KCNIP1: variants seen among roughly 807,000 people sequenced by gnomAD.
The protein encoded by KCNIP1 is potassium voltage-gated channel interacting protein 1.
A neutral mutation model predicts 33.0 loss-of-function variants in KCNIP1; 18 were observed. That is an observed-to-expected ratio of 0.55 (90% CI 0.38 to 0.81). KCNIP1 has a LOEUF of 0.81. Among genes scored for constraint, KCNIP1 ranks in the 30% least tolerant of loss-of-function variants. The pLI is 0.00. For synonymous variants in KCNIP1, 93 were observed against 98.3 expected, an observed-to-expected ratio of 0.95 and a Z score of 0.32; for missense variants, 238 against 271.6, an observed-to-expected ratio of 0.88 and a Z score of 0.87.
chr5:170,725,871 A>C (rs1763989183), intron 5 of KCNIP1, among the ~76,000 whole-genome samples: 1 of 152,248 alleles, frequency 6.6e-6, no homozygotes, highest in Admixed American at 6.5e-5. Context: ...TCAATGCAAC[A>C]GATGCCAAAA....
intron 1 of KCNIP1, among the ~76,000 whole-genome samples, chr5:170,466,308 C>G (rs1397812713): frequency 6.6e-6 from 1 of 152,112 alleles, no homozygotes; most frequent in African/African-American, 2.4e-5. Flanking sequence ...AGCAGGAGTT[C>G]AAGCTGATAT....
intron 1 of KCNIP1, among the ~76,000 whole-genome samples, chr5:170,574,506 C>G (rs1757527436): frequency 6.6e-6 from 1 of 152,220 alleles, no homozygotes; most frequent in Non-Finnish European, 1.5e-5. Flanking sequence ...GCACCTCCTC[C>G]TACCACACAG....
chr5:170,388,931 C>T (rs893452989), intron 1 of KCNIP1, among the ~76,000 whole-genome samples: 2 of 152,218 alleles, frequency 1.3e-5, no homozygotes, highest in Non-Finnish European at 2.9e-5. Context: ...GTCTGGACCC[C>T]TCTTGATGAA....
chr5:170,700,977 G>A (rs1358710332), intron 1 of KCNIP1, among the ~76,000 whole-genome samples: 1 of 152,082 alleles, frequency 6.6e-6, no homozygotes, highest in Non-Finnish European at 1.5e-5. Context: ...CAAAACACTG[G>A]TTGCAGTAGA....
chr5:170,523,639 T>C (rs562758068), intron 1 of KCNIP1, among the ~76,000 whole-genome samples: 1 of 152,058 alleles, frequency 6.6e-6, no homozygotes, highest in South Asian at 2.1e-4. Flanking sequence ...ACCTAATCCC[T>C]CTTCTTTACT....
intron 1 of KCNIP1, among the ~76,000 whole-genome samples, chr5:170,449,332 T>C (rs1388540880): frequency 2.6e-5 from 4 of 152,230 alleles, no homozygotes; most frequent in Non-Finnish European, 5.9e-5. Context: ...TCCTGAAAAG[T>C]AGCCCTCAAC....
At chr5:170,553,758 C>T (rs146873649) in intron 1 of KCNIP1, among the ~76,000 whole-genome samples, 79 of 152,336 alleles carry the variant, frequency 5.2e-4, no homozygotes, top group African/African-American at 1.8e-3. Flanking sequence ...AGAGGTGAAC[C>T]TCAGATGCCT....
chr5:170,540,960 CCTCT>C (rs753940501), intron 1 of KCNIP1, among the ~76,000 whole-genome samples: 10 of 152,140 alleles, frequency 6.6e-5, no homozygotes, highest in Non-Finnish European at 7.3e-5. Context: ...CTCTCTGAGC[CCTCT>C]CTCTGCCTCA....
chr5:170,437,233 G>T (rs1033201944), intron 1 of KCNIP1, among the ~76,000 whole-genome samples: 1 of 152,160 alleles, frequency 6.6e-6, no homozygotes. Context: ...TTAAATGAAG[G>T]TTTCATGACC....
chr5:170,676,481 G>A (rs746781515), intron 1 of KCNIP1, among the ~76,000 whole-genome samples: 11 of 152,162 alleles, frequency 7.2e-5, no homozygotes, highest in African/African-American at 9.7e-5. Context: ...GGTGCTCTGA[G>A]GAGTTCTTTC....
At chr5:170,533,844 A>T (rs1755871107) in intron 1 of KCNIP1, among the ~76,000 whole-genome samples, 1 of 152,168 alleles carries the variant, frequency 6.6e-6, no homozygotes, top group South Asian at 2.1e-4. Flanking sequence ...CCATCTCCTG[A>T]TCCACAAAAT....
At chr5:170,372,287 T>C (rs1327755194) in intron 1 of KCNIP1, among the ~76,000 whole-genome samples, 2 of 152,166 alleles carry the variant, frequency 1.3e-5, no homozygotes, top group Non-Finnish European at 2.9e-5. Flanking sequence ...GTATGAGGGA[T>C]GCAGGGTGGA....
At chr5:170,421,044 C>T (rs758892829) in intron 1 of KCNIP1, among the ~76,000 whole-genome samples, 42 of 152,046 alleles carry the variant, frequency 2.8e-4, no homozygotes, top group Non-Finnish European at 5.1e-4. Context: ...AAAACCACCT[C>T]GAAGGAAAGT....
chr5:170,398,348 G>C (rs997196746), intron 1 of KCNIP1, among the ~76,000 whole-genome samples: 1 of 152,138 alleles, frequency 6.6e-6, no homozygotes, highest in Non-Finnish European at 1.5e-5. Flanking sequence ...AGGGCAAAAG[G>C]TTTCTACATT....
At chr5:170,601,558 T>C (rs1486401574) in intron 1 of KCNIP1, among the ~76,000 whole-genome samples, 1 of 152,178 alleles carries the variant, frequency 6.6e-6, no homozygotes, top group African/African-American at 2.4e-5. Context: ...TAAAAAGCCA[T>C]GCGAGACGGA....
At chr5:170,436,545 C>T (rs759670074) in intron 1 of KCNIP1, among the ~76,000 whole-genome samples, 1 of 152,212 alleles carries the variant, frequency 6.6e-6, no homozygotes, top group East Asian at 1.9e-4. Context: ...GCTGGCTCCG[C>T]CCCTAGAGCT....
intron 1 of KCNIP1, among the ~76,000 whole-genome samples, chr5:170,526,751 C>T (rs117390144): frequency 0.013 from 1,711 of 134,126 alleles, 34 homozygotes; most frequent in East Asian, 0.049. Context: ...GAGACAGAAT[C>T]GCGCTCTGTT....
intron 1 of KCNIP1, among the ~76,000 whole-genome samples, chr5:170,490,623 T>C (rs1757186269): frequency 6.6e-6 from 1 of 152,216 alleles, no homozygotes; most frequent in Non-Finnish European, 1.5e-5. Context: ...CAAGGGCCTC[T>C]CAGTATTATT....
chr5:170,543,111 C>T lies in KCNIP1; in HGVS notation c.61+38478C>T, dbSNP rs116157074. 7.4e-3 allele frequency among the ~76,000 whole-genome samples: 1,132 copies of T among 152,300 alleles called. 19 individuals are homozygous for T. Among genetic ancestry groups the T allele is most frequent in the African/African-American group, 0.026 (1,064 of 41,556 alleles). Reference sequence around the variant, plus strand: ...ATCCCATTCATGAGGGCCCTGCCTTCGTGACCTAATCACCCCGCAGATGCT... The same window carrying T: ...ATCCCATTCATGAGGGCCCTGCCTTTGTGACCTAATCACCCCGCAGATGCT... On this transcript the variant is annotated intron_variant, in intron 1 of 7. Coordinates refer to ENST00000328939, the MANE Select transcript of KCNIP1 (RefSeq NM_014592.4).
Sources: gnomAD v4.1 joint callset for allele counts (sites outside exome capture counted in the v4.1 genomes callset) on GRCh38, gnomAD v4.1.1 for gene constraint, MANE v1.5 for transcripts, NCBI Gene and HGNC (gene_info 2026-07-23, HGNC 2026-07-21) for gene names.